RAB27B: variants seen among roughly 807,000 people sequenced by gnomAD.
The protein encoded by RAB27B is ras-related protein Rab-27B.
RAB27B carries 15 observed loss-of-function variants against 24.6 expected under a neutral mutation model. That is an observed-to-expected ratio of 0.61 (90% CI 0.41 to 0.94). RAB27B has a LOEUF of 0.94. Ranked by LOEUF, RAB27B falls within the 40% of genes least tolerant of loss-of-function variation. The pLI, the probability that RAB27B is intolerant of heterozygous loss-of-function variation, is 0.00. For missense variants in RAB27B, 261 were observed against 266.8 expected, an observed-to-expected ratio of 0.98 and a Z score of 0.15; for synonymous variants, 105 against 92.5, an observed-to-expected ratio of 1.14 and a Z score of -0.78.
At chr18:54,850,307 A>G (rs1475034387) in intron 1 of RAB27B, among the ~76,000 whole-genome samples, 1 of 134,258 alleles carries the variant, frequency 7.4e-6, no homozygotes, top group African/African-American at 2.8e-5. Flanking sequence ...GTATACCTGT[A>G]TATTTATTTA....
intron 2 of RAB27B, among the ~76,000 whole-genome samples, chr18:54,767,307 C>T (rs1280596103): frequency 6.6e-6 from 1 of 152,128 alleles, no homozygotes; most frequent in Non-Finnish European, 1.5e-5. Context: ...CCCAGTGGCT[C>T]ATGCCAGTGT....
At chr18:54,718,415 G>A (rs537728809) in intron 2 of RAB27B, among the ~76,000 whole-genome samples, 5 of 152,290 alleles carry the variant, frequency 3.3e-5, no homozygotes, top group Admixed American at 1.3e-4. Context: ...CAGGGCTGCA[G>A]ACTGCGTGCA....
intron 2 of RAB27B, among the ~76,000 whole-genome samples, chr18:54,742,574 C>T (rs1910102327): frequency 1.3e-5 from 2 of 152,130 alleles, no homozygotes; most frequent in South Asian, 4.2e-4. Context: ...TGTTTTGCCT[C>T]TGCTAATAAT....
At chr18:54,738,194 T>C (rs952531932) in intron 2 of RAB27B, among the ~76,000 whole-genome samples, 5 of 152,238 alleles carry the variant, frequency 3.3e-5, no homozygotes, top group African/African-American at 1.2e-4. Context: ...ATTTTATAGC[T>C]GACTGCCTTT....
At chr18:54,804,834 G>A (rs981988877) in intron 2 of RAB27B, among the ~76,000 whole-genome samples, 15 of 150,548 alleles carry the variant, frequency 1.0e-4, no homozygotes, top group African/African-American at 3.7e-4. Flanking sequence ...TCTTTGAAAA[G>A]GTTTCTTTTC....
intron 1 of RAB27B, among the ~76,000 whole-genome samples, chr18:54,850,228 T>C (rs1776575520): frequency 6.6e-6 from 1 of 151,014 alleles, no homozygotes; most frequent in Non-Finnish European, 1.5e-5. Context: ...TTATTCTAAA[T>C]ATAATTATAT....
intron 2 of RAB27B, among the ~76,000 whole-genome samples, chr18:54,800,586 T>A (rs4273128): frequency 0.34 from 52,101 of 151,996 alleles, 9,213 homozygotes; most frequent in East Asian, 0.42. Flanking sequence ...ATTCTTCTTT[T>A]GAGAGGTACC....
At chr18:54,815,539 T>C (rs1910095044) in intron 2 of RAB27B, among the ~76,000 whole-genome samples, 1 of 152,180 alleles carries the variant, frequency 6.6e-6, no homozygotes, top group Non-Finnish European at 1.5e-5. Flanking sequence ...CTGAGAATAG[T>C]CTATCAATTC....
chr18:54,885,217 G>T (rs1037282262), intron 4 of RAB27B, among the ~76,000 whole-genome samples: 1 of 152,116 alleles, frequency 6.6e-6, no homozygotes. Context: ...ACAAGTAGCA[G>T]GACAGCTGAG....
At chr18:54,754,512 A>G (rs1420913981) in intron 2 of RAB27B, among the ~76,000 whole-genome samples, 1 of 152,208 alleles carries the variant, frequency 6.6e-6, no homozygotes, top group African/African-American at 2.4e-5. Flanking sequence ...TACAGTGAGA[A>G]GCAATTGAGC....
At chr18:54,861,354 A>T (rs184803929) in intron 1 of RAB27B, among the ~76,000 whole-genome samples, 1 of 152,216 alleles carries the variant, frequency 6.6e-6, no homozygotes, top group African/African-American at 2.4e-5. Flanking sequence ...GCATATATAC[A>T]TTTAATATCC....
intron 2 of RAB27B, among the ~76,000 whole-genome samples, chr18:54,797,703 G>T (rs1354037569): frequency 6.6e-6 from 1 of 152,114 alleles, no homozygotes; most frequent in African/African-American, 2.4e-5. Flanking sequence ...GTGACTTATG[G>T]TCTACTGGGT....
At chr18:54,822,370 G>T (rs1910338724) in intron 2 of RAB27B, among the ~76,000 whole-genome samples, 1 of 152,166 alleles carries the variant, frequency 6.6e-6, no homozygotes, top group South Asian at 2.1e-4. Context: ...ACAGCTTGAA[G>T]TGTTTGCAGT....
At chr18:54,753,715 C>T (rs1176902125) in intron 2 of RAB27B, among the ~76,000 whole-genome samples, 1 of 152,100 alleles carries the variant, frequency 6.6e-6, no homozygotes, top group East Asian at 1.9e-4. Context: ...TAATGAACAA[C>T]AGAAGAAATA....
chr18:54,878,267 A>G (rs1382856711), intron 2 of RAB27B, among the ~76,000 whole-genome samples: 2 of 152,190 alleles, frequency 1.3e-5, no homozygotes, highest in African/African-American at 2.4e-5. Context: ...CCAAGATAAG[A>G]GAGTTTAAGT....
At chr18:54,745,780 ATATT>A (rs945991842) in intron 2 of RAB27B, among the ~76,000 whole-genome samples, 5 of 147,202 alleles carry the variant, frequency 3.4e-5, no homozygotes, top group East Asian at 3.9e-4. Context: ...GTATTTATAA[ATATT>A]TATTATTTAT....
chr18:54,770,408 G>A (rs1908506102), intron 2 of RAB27B, among the ~76,000 whole-genome samples: 1 of 152,006 alleles, frequency 6.6e-6, no homozygotes, highest in South Asian at 2.1e-4. Flanking sequence ...GGATCTAAGT[G>A]TGTACTCCTT....
At chr18:54,792,741 A>C (rs947194753) in intron 2 of RAB27B, among the ~76,000 whole-genome samples, 13 of 152,214 alleles carry the variant, frequency 8.5e-5, no homozygotes, top group Admixed American at 2.0e-4. Flanking sequence ...ACTCGTGAAG[A>C]TCTACACTGG....
intron 2 of RAB27B, among the ~76,000 whole-genome samples, chr18:54,797,171 A>G (rs1424132029): frequency 6.6e-6 from 1 of 152,236 alleles, no homozygotes; most frequent in East Asian, 1.9e-4. Context: ...GTGCACAGGC[A>G]TATAAGAATT....
Sources: allele counts gnomAD v4.1 joint callset (sites outside exome capture counted in the v4.1 genomes callset), GRCh38; gene constraint gnomAD v4.1.1; transcripts MANE v1.5; gene names NCBI Gene and HGNC (gene_info 2026-07-23, HGNC 2026-07-21).